Variants in DNAH5 observed in about 807,000 individuals in gnomAD.
DNAH5 encodes axonemal beta dynein heavy chain 5.
In DNAH5, 372 loss-of-function variants were observed where a neutral mutation model predicts 518.2. The ratio of observed to expected loss-of-function variants is 0.72; its 90% CI spans 0.66 to 0.78. The LOEUF (loss-of-function observed/expected upper bound fraction) is 0.78. Among genes scored for constraint, DNAH5 ranks in the 30% least tolerant of loss-of-function variants. DNAH5 has a pLI of 0.00. For missense variants in DNAH5, 5,523 were observed against 5,687.0 expected, an observed-to-expected ratio of 0.97 and a Z score of 0.93; for synonymous variants, 2,039 against 2,025.9, an observed-to-expected ratio of 1.01 and a Z score of -0.17.
chr5:13,918,824 T>C (rs1776937227), intron 7 of DNAH5, among the ~76,000 whole-genome samples: 1 of 152,296 alleles, frequency 6.6e-6, no homozygotes, highest in East Asian at 1.9e-4. Flanking sequence ...AAAACTAATA[T>C]ACAAGGACTA....
intron 65 of DNAH5, among the ~76,000 whole-genome samples, chr5:13,739,316 A>T (rs1188231028): frequency 6.6e-6 from 1 of 152,298 alleles, no homozygotes; most frequent in African/African-American, 2.4e-5. Context: ...TTCTCATAAC[A>T]GTGAGTGAAT....
chr5:13,772,550 A>T (rs1291737260), intron 55 of DNAH5, among the ~76,000 whole-genome samples: 1 of 152,250 alleles, frequency 6.6e-6, no homozygotes, highest in Non-Finnish European at 1.5e-5. Context: ...TCAATATCCC[A>T]TCACCAAGGC....
rs1473645297 is a variant in DNAH5, at chr5:13,769,244, G to GTT, written c.9721-110_9721-109dup. 5.1e-4 allele frequency: 444 copies of GTT among 877,702 alleles called. 2 individuals carry two copies. Among genetic ancestry groups the GTT allele is most frequent in the Non-Finnish European group, 6.6e-4 (398 of 607,174 alleles). The allele number at this position is 877,702 out of a possible 1,614,324, so 54.4% of individuals were successfully genotyped here. On this transcript the variant is annotated intron_variant, in intron 57 of 78. Transcript: ENST00000265104. ...TGATTTTGTTCACTTACCCAGTTTT[G>GTT]TTGTTTTTTTTTTTTTTTTTTGAGA...
chr5:13,923,882 A>T (rs1008599955), intron 3 of DNAH5, among the ~76,000 whole-genome samples: 2 of 150,374 alleles, frequency 1.3e-5, no homozygotes, highest in Non-Finnish European at 3.0e-5. Flanking sequence ...TGTCTCTACT[A>T]AAAAAAAACA....
In DNAH5 at chr5:13,793,940, T is replaced by A. The variant is rs770090882; in HGVS notation, c.8006A>T (p.Asp2669Val). 5.0e-6 allele frequency: 8 copies of A among 1,613,842 alleles called. No individual in the cohort carries two copies. Among genetic ancestry groups the A allele is most frequent in the Middle Eastern group, 3.3e-4 (2 of 6,084 alleles). Residue 2669 changes from aspartate to valine, a missense_variant, in exon 48 of 79, where the codon GAT becomes GTT. Transcript: ENST00000265104. ...TGCACAATAGAATGATGATACCTGA[T>A]CTCCCCACTCATTGATTATTGGCAT... ...VNMPIINEWG[D>V]QVTNEIVRQL...
intron 35 of DNAH5, among the ~76,000 whole-genome samples, chr5:13,833,311 C>T (rs1229344665): frequency 2.0e-5 from 3 of 151,786 alleles, no homozygotes; most frequent in East Asian, 1.9e-4. Context: ...TGGCGGCACA[C>T]GCCTGTAATC....
chr5:13,920,667 C>T, intron 5 of DNAH5, 50 bp from the exon 6 acceptor site: 1 of 1,604,394 alleles, frequency 6.2e-7, no homozygotes, highest in South Asian at 1.1e-5. Context: ...GTAAAACACA[C>T]AGACTGTGGG....
At chr5:13,809,745 T>G (rs1760285985) in intron 45 of DNAH5, among the ~76,000 whole-genome samples, 1 of 152,240 alleles carries the variant, frequency 6.6e-6, no homozygotes, top group Admixed American at 6.5e-5. Flanking sequence ...CTTTAAACTT[T>G]GTGACTTTTA....
At chr5:13,926,785 A>C (rs1049977945) in intron 3 of DNAH5, among the ~76,000 whole-genome samples, 3 of 152,232 alleles carry the variant, frequency 2.0e-5, no homozygotes, top group Non-Finnish European at 4.4e-5. Context: ...AAATTTACGC[A>C]GAAGGCCAGT....
At chr5:13,844,423 T>C (rs1274455515) in intron 32 of DNAH5, among the ~76,000 whole-genome samples, 1 of 152,098 alleles carries the variant, frequency 6.6e-6, no homozygotes, top group Non-Finnish European at 1.5e-5. Context: ...TCTGTACACA[T>C]GGAAGTGTTA....
intron 12 of DNAH5, 32 bp from the exon 13 acceptor site, chr5:13,902,170 T>C (rs1009606903): frequency 3.4e-6 from 5 of 1,484,940 alleles, no homozygotes; most frequent in Admixed American, 1.7e-5. Flanking sequence ...TGATGAACAA[T>C]AGAATTGGGA....
In DNAH5 at chr5:13,913,789, T is replaced by G. The variant is rs769654757; in HGVS notation, c.1490A>C (p.Gln497Pro). ...TTCCAGCCCTTCAATTGTGGAATCT[T>G]GCAGGACTGAATACGTCTTGAGGGT... ...FTTLKTYSVL[Q>P]DSTIEGLEDM... The change falls in exon 11 of 79, where the codon CAA becomes CCA. Residue 497 changes from glutamine to proline, a missense_variant. Transcript: ENST00000265104. The G allele has an allele frequency of 1.9e-6, 3 of 1,613,620 alleles. No homozygotes were observed. Among genetic ancestry groups the G allele is most frequent in the South Asian group, 2.2e-5 (2 of 91,076 alleles).
At chr5:13,891,586 T>C (rs1456979393) in intron 16 of DNAH5, among the ~76,000 whole-genome samples, 1 of 152,172 alleles carries the variant, frequency 6.6e-6, no homozygotes, top group Non-Finnish European at 1.5e-5. Flanking sequence ...ATTGGAGTGG[T>C]CCCTCCTCCT....
intron 7 of DNAH5, among the ~76,000 whole-genome samples, chr5:13,917,764 C>A (rs781421047): frequency 6.6e-6 from 1 of 152,196 alleles, no homozygotes. Flanking sequence ...TTATTTAGCA[C>A]GTCAGTACAT....
intron 1 of DNAH5, among the ~76,000 whole-genome samples, chr5:13,963,348 C>T (rs1161108127): frequency 6.6e-6 from 1 of 152,076 alleles, no homozygotes; most frequent in East Asian, 1.9e-4. Context: ...GAGGCCGAGG[C>T]GGGTGGACCA....
chr5:13,762,572 C>T (rs1649644565), intron 60 of DNAH5, 150 bp downstream of exon 60: 1 of 701,794 alleles, frequency 1.4e-6, no homozygotes, highest in Non-Finnish European at 2.5e-6. Context: ...AGAAACATCC[C>T]ATGCTTGGCC....
At chr5:13,931,819 T>G (rs1269061991) in intron 1 of DNAH5, among the ~76,000 whole-genome samples, 1 of 152,226 alleles carries the variant, frequency 6.6e-6, no homozygotes, top group African/African-American at 2.4e-5. Context: ...TACAATCCTA[T>G]TCAAACATAT....
intron 1 of DNAH5, among the ~76,000 whole-genome samples, chr5:13,969,811 T>G (rs997599262): frequency 5.3e-5 from 8 of 152,312 alleles, no homozygotes; most frequent in African/African-American, 1.9e-4. Context: ...TCTGTAAATA[T>G]CTGTTAAATC....
At chr5:13,692,232 A>T in intron 78 of DNAH5, 97 bp from the exon 79 acceptor site, 1 of 1,374,212 alleles carries the variant, frequency 7.3e-7, no homozygotes, top group East Asian at 2.4e-5. Flanking sequence ...AGGTCATTTC[A>T]AAAACAGATG....
Sources: allele counts gnomAD v4.1 joint callset (sites outside exome capture counted in the v4.1 genomes callset), GRCh38; gene constraint gnomAD v4.1.1; transcripts MANE v1.5; gene names NCBI Gene and HGNC (gene_info 2026-07-23, HGNC 2026-07-21).